The following FAM184A variants were observed in gnomAD, a reference collection of about 807,000 sequenced individuals.
FAM184A encodes the protein family with sequence similarity 184 member A.
In FAM184A, 99 loss-of-function variants were observed where a neutral mutation model predicts 143.8. That is an observed-to-expected ratio of 0.69 (90% CI 0.58 to 0.81). The LOEUF (loss-of-function observed/expected upper bound fraction) is 0.81, where lower values mean the gene tolerates loss of function less well. Among genes scored for constraint, FAM184A ranks in the 40% least tolerant of loss-of-function variants. The pLI, the probability that FAM184A is intolerant of heterozygous loss-of-function variation, is 0.00. For missense variants in FAM184A, 1,217 were observed against 1,310.5 expected (o/e 0.93, Z 1.10); for synonymous variants, 427 against 446.4 (o/e 0.96, Z 0.55).
At chr6:118,985,969 TA>T (rs1164025113) in intron 9 of FAM184A, among the ~76,000 whole-genome samples, 2 of 152,208 alleles carry the variant, frequency 1.3e-5, no homozygotes, top group African/African-American at 4.8e-5. Context: ...CTTTAATCAC[TA>T]ATGTGCTATT....
intron 1 of FAM184A, among the ~76,000 whole-genome samples, chr6:119,047,592 C>T (rs1300109736): frequency 2.0e-5 from 3 of 152,174 alleles, no homozygotes; most frequent in African/African-American, 7.2e-5. Context: ...GAAACTACTA[C>T]GAACACCTCT....
chr6:119,020,199 G>C, intron 3 of FAM184A, 40 bp from the exon 4 acceptor site: 1 of 1,449,692 alleles, frequency 6.9e-7, no homozygotes, highest in Non-Finnish European at 9.2e-7. Flanking sequence ...TTAAAAATCA[G>C]TTGTACTATG....
intron 1 of FAM184A, among the ~76,000 whole-genome samples, chr6:119,119,354 A>G (rs1789147655): frequency 6.6e-6 from 1 of 152,086 alleles, no homozygotes; most frequent in African/African-American, 2.4e-5. Context: ...CACTAATAAA[A>G]ACTTGCTGGT....
At chr6:119,062,878 C>G (rs1036210638) in intron 1 of FAM184A, among the ~76,000 whole-genome samples, 2 of 152,148 alleles carry the variant, frequency 1.3e-5, no homozygotes, top group Non-Finnish European at 2.9e-5. Flanking sequence ...TGAAGCTTGA[C>G]TTGTGTCCCC....
chr6:119,100,257 A>C (rs1535613), intron 1 of FAM184A, among the ~76,000 whole-genome samples: 96,683 of 151,902 alleles, frequency 0.64, 31,469 homozygotes, highest in East Asian at 0.96. Flanking sequence ...GGAGACAGGG[A>C]AAAGATCAAT....
At position 119,103,799 on chromosome 6, in the gene FAM184A, C is replaced by T. The variant is rs565245960; in HGVS notation, c.-202+45279G>A. On this transcript the variant is annotated intron_variant, in intron 1 of 16. Transcript: ENST00000352896. ...AAAATTAGCCAGGCATGGTGGCACG[C>T]ACCTGTAGTCCCAGCTACTTGGGAG... 7.6e-4 allele frequency among the ~76,000 whole-genome samples: 116 copies of T among 151,806 alleles called. 1 individual carries two copies. The Middle Eastern group carries it at 0.02, about 27-fold the overall frequency.
At chr6:119,001,851 G>A (rs532725783) in intron 9 of FAM184A, among the ~76,000 whole-genome samples, 1 of 152,156 alleles carries the variant, frequency 6.6e-6, no homozygotes, top group African/African-American at 2.4e-5. Context: ...ATCTGTCCTT[G>A]TGGGTCCCTA....
chr6:118,997,169 G>A (rs1396051951), intron 9 of FAM184A, among the ~76,000 whole-genome samples: 4 of 151,360 alleles, frequency 2.6e-5, no homozygotes, highest in Non-Finnish European at 5.9e-5. Context: ...GGGAGGCAGA[G>A]GTGGACAGAT....
At chr6:119,128,210 C>A (rs916325653) in intron 1 of FAM184A, among the ~76,000 whole-genome samples, 2 of 152,242 alleles carry the variant, frequency 1.3e-5, no homozygotes, top group Non-Finnish European at 2.9e-5. Context: ...ACATGAGAGA[C>A]AAGAATTGGT....
intron 17 of FAM184A, chr6:118,960,656 G>A (rs1783291113): frequency 2.4e-6 from 1 of 425,266 alleles, no homozygotes; most frequent in Non-Finnish European, 4.2e-6. Context: ...CTCCAGGAAA[G>A]GGAGAACACT....
intron 1 of FAM184A, among the ~76,000 whole-genome samples, chr6:119,116,012 C>CACACACACACACAT (rs1789051694): frequency 6.7e-6 from 1 of 150,026 alleles, no homozygotes; most frequent in Non-Finnish European, 1.5e-5. Flanking sequence ...CACACATACA[C>CACACACACACACAT]ACACACAACG....
At chr6:119,146,047 A>G (rs531279367) in intron 1 of FAM184A, among the ~76,000 whole-genome samples, 83 of 152,336 alleles carry the variant, frequency 5.4e-4, no homozygotes, top group Middle Eastern at 3.4e-3. Flanking sequence ...ATAGGAGACC[A>G]TCTGGGGACA....
intron 1 of FAM184A, among the ~76,000 whole-genome samples, chr6:119,062,189 C>T (rs957077428): frequency 6.6e-6 from 1 of 152,164 alleles, no homozygotes; most frequent in Non-Finnish European, 1.5e-5. Context: ...CTCTAAGCCT[C>T]AGAGTTTTTT....
Position 119,024,129 on chromosome 6 carries a change from C to CT in FAM184A, c.843dup (p.Glu282ArgfsTer5), listed in dbSNP as rs747004347. The CT allele has an allele frequency of 1.9e-6, 3 of 1,614,016 alleles. No homozygotes were observed. The South Asian group carries it at 3.3e-5, about 18-fold the overall frequency. ...TCTTTTCTAAGATCAGCTTCCTTTT[C>CT]TTTGCTGGCCTGTAGGCTTTCTGCT... is the stretch of plus-strand genomic sequence containing the variant. On this transcript the variant is annotated frameshift_variant, in exon 2 of 18. Transcript: ENST00000338891. LOFTEE classifies it high-confidence loss of function.
chr6:119,006,376 C>T, intron 7 of FAM184A, 71 bp downstream of exon 7: 1 of 1,447,140 alleles, frequency 6.9e-7, no homozygotes, highest in African/African-American at 1.4e-5. Flanking sequence ...GTTTAAATAG[C>T]TCTAGGTCAA....
intron 1 of FAM184A, 46 bp from the exon 2 acceptor site, chr6:119,024,859 T>A: frequency 6.7e-7 from 1 of 1,484,690 alleles, no homozygotes; most frequent in Non-Finnish European, 9.0e-7. Context: ...GAATCCATAT[T>A]ATTTTCTAAC....
At chr6:119,032,358 C>T (rs1785906287) in intron 1 of FAM184A, among the ~76,000 whole-genome samples, 1 of 151,416 alleles carries the variant, frequency 6.6e-6, no homozygotes, top group Non-Finnish European at 1.5e-5. Flanking sequence ...ATGTATGTTC[C>T]TATTATAATC....
chr6:119,110,013 T>C (rs1366806024), intron 1 of FAM184A, among the ~76,000 whole-genome samples: 3 of 152,240 alleles, frequency 2.0e-5, no homozygotes, highest in African/African-American at 7.2e-5. Context: ...TATCTATCCA[T>C]CTCACCTGGG....
At chr6:119,022,492 T>C (rs1785483050) in intron 3 of FAM184A, among the ~76,000 whole-genome samples, 1 of 152,236 alleles carries the variant, frequency 6.6e-6, no homozygotes, top group African/African-American at 2.4e-5. Context: ...TTATAAGTAA[T>C]TAGTAACATA....
Sources: gnomAD v4.1 joint callset for allele counts (sites outside exome capture counted in the v4.1 genomes callset) on GRCh38, gnomAD v4.1.1 for gene constraint, MANE v1.5 for transcripts, NCBI Gene and HGNC (gene_info 2026-07-23, HGNC 2026-07-21) for gene names.